The following NEXMIF variants were observed in gnomAD, a reference collection of about 807,000 sequenced individuals.
NEXMIF encodes the protein XLMR protein related to neurite extension.
Under a neutral mutation model 62.1 loss-of-function variants are expected in NEXMIF, and 8 were observed. The ratio of observed to expected loss-of-function variants is 0.13; its 90% CI spans 0.08 to 0.23. The LOEUF is 0.23. NEXMIF is among the 10% of genes least tolerant of loss of function. The pLI is 1.00. For synonymous variants in NEXMIF, 404 were observed against 416.6 expected (o/e 0.97, Z 0.37); for missense variants, 976 against 1,113.3 (o/e 0.88, Z 1.75).
In NEXMIF at chrX:74,737,019, A is replaced by T. The variant is rs933994311; in HGVS notation, c.*2386T>A. On this transcript the variant is annotated 3_prime_UTR_variant, in exon 4 of 4. Transcript: ENST00000055682. ...ACTCACACCCCATTCTCCAAAGCTGAACTGATACCGAAAAAAAACTGGGAC... is the reference window on the plus strand; with the variant it reads ...ACTCACACCCCATTCTCCAAAGCTGTACTGATACCGAAAAAAAACTGGGAC... 8.9e-6 allele frequency: 1 copy of T among 112,119 alleles called. No homozygotes were observed. Among genetic ancestry groups the T allele is most frequent in the Admixed American group, 9.5e-5 (1 of 10,562 alleles). 9.2% of individuals were successfully genotyped at this position (112,119 alleles called of 1,213,427 possible).
intron 1 of NEXMIF, among the ~76,000 whole-genome samples, chrX:74,863,867 A>G (rs899216159): frequency 8.9e-6 from 1 of 112,357 alleles, no homozygotes; most frequent in Non-Finnish European, 1.9e-5. Flanking sequence ...CCTCAGTAAA[A>G]TACTGGCAAA....
chrX:74,742,267 T>C lies in NEXMIF; in HGVS notation c.2290A>G (p.Ile764Val). 8.3e-7 allele frequency: 1 copy of C among 1,211,915 alleles called. No individual in the cohort carries two copies. Among genetic ancestry groups the C allele is most frequent in the Non-Finnish European group, 1.1e-6 (1 of 895,441 alleles). ...SSKANLKNEV[I>V]PGTSNSSRLS... ...CGGGAACTGTTTGATGTCCCAGGAA[T>C]AACTTCATTCTTTAAATTAGCCTTT... is the stretch of plus-strand genomic sequence containing the variant. The change falls in exon 3 of 4, where the codon ATT becomes GTT. Residue 764 changes from isoleucine (I) to valine (V), a missense_variant. Transcript: ENST00000055682.
rs183096713 is a variant in NEXMIF at position 74,842,536 on chromosome X, T to A, written c.-48+82347A>T. On this transcript the variant is annotated intron_variant, in intron 1 of 3. Coordinates refer to ENST00000055682, the MANE Select transcript of NEXMIF (RefSeq NM_001008537.3). ...AGCTTTGGAGTTGATTTGTTCTTAC[T>A]TCTCTAATTCTTTCAGTTGCGATGT... 3.2e-3 allele frequency among the ~76,000 whole-genome samples: 358 copies of A among 111,635 alleles called. 2 individuals are homozygous for A. Among genetic ancestry groups the A allele is most frequent in the African/African-American group, 0.011 (341 of 30,712 alleles).
chrX:74,847,913 A>G (rs1381050417), intron 1 of NEXMIF, among the ~76,000 whole-genome samples: 2 of 111,433 alleles, frequency 1.8e-5, no homozygotes, highest in African/African-American at 6.5e-5. Context: ...CTCTTTAGTC[A>G]AGTAAATGGT....
At chrX:74,900,314 A>G (rs1051001502) in intron 1 of NEXMIF, among the ~76,000 whole-genome samples, 17 of 109,385 alleles carry the variant, frequency 1.6e-4, no homozygotes, top group African/African-American at 5.3e-4. Flanking sequence ...AATACAAAAA[A>G]TTAGACGGGT....
intron 1 of NEXMIF, among the ~76,000 whole-genome samples, chrX:74,767,731 A>G (rs1218531968): frequency 9.0e-6 from 1 of 111,610 alleles, no homozygotes; most frequent in Non-Finnish European, 1.9e-5. Context: ...GGACCCATGT[A>G]AAAAAAGCAG....
At chrX:74,806,899 A>C (rs748061911) in intron 1 of NEXMIF, among the ~76,000 whole-genome samples, 8 of 112,648 alleles carry the variant, frequency 7.1e-5, no homozygotes, top group African/African-American at 2.6e-4. Context: ...ATTCTGTTCC[A>C]TTATCTATTT....
At chrX:74,840,378 G>A (rs2147488955) in intron 1 of NEXMIF, among the ~76,000 whole-genome samples, 1 of 111,634 alleles carries the variant, frequency 9.0e-6, no homozygotes, top group East Asian at 2.8e-4. Context: ...AAATCAGAGA[G>A]GACACAAATA....
intron 1 of NEXMIF, among the ~76,000 whole-genome samples, chrX:74,876,537 G>T (rs1179164398): frequency 9.5e-6 from 1 of 105,326 alleles, no homozygotes; most frequent in African/African-American, 3.5e-5. Context: ...TTCAATTCCT[G>T]GGTATCCTTG....
chrX:74,808,654 C>T (rs185508951), intron 1 of NEXMIF, among the ~76,000 whole-genome samples: 13 of 112,045 alleles, frequency 1.2e-4, no homozygotes, highest in Non-Finnish European at 1.9e-4. Context: ...ATAACTTCTT[C>T]GTTAAAAGTT....
At chrX:74,864,372 A>G (rs2080569663) in intron 1 of NEXMIF, among the ~76,000 whole-genome samples, 1 of 112,474 alleles carries the variant, frequency 8.9e-6, no homozygotes, top group Non-Finnish European at 1.9e-5. Flanking sequence ...AAGCAACTTC[A>G]GCAAAGTCTT....
At chrX:74,851,182 A>G (rs1206008553) in intron 1 of NEXMIF, among the ~76,000 whole-genome samples, 1 of 111,143 alleles carries the variant, frequency 9.0e-6, no homozygotes, top group Admixed American at 9.5e-5. Context: ...ATTTTTTTTA[A>G]AGAAATAATT....
chrX:74,741,715 C>T lies in NEXMIF; in HGVS notation c.2842G>A (p.Val948Ile). Residue 948 changes from valine (V) to isoleucine (I), a missense_variant, in exon 3 of 4, where the codon GTC (valine) becomes ATC (isoleucine). Coordinates refer to ENST00000055682, the MANE Select transcript of NEXMIF (RefSeq NM_001008537.3). The part of the protein sequence containing the change: ...LNSGGSNCNK[V>I]LYDSMQDTQL... ...GTATCTTGCATGGAGTCATACAGGACCTTGTTGCAATTACTGCCACCACTA... is the reference window on the plus strand; with the variant it reads ...GTATCTTGCATGGAGTCATACAGGATCTTGTTGCAATTACTGCCACCACTA... 8.3e-7 allele frequency: 1 copy of T among 1,211,195 alleles called. No homozygotes were observed. Among genetic ancestry groups the T allele is most frequent in the Non-Finnish European group, 1.1e-6 (1 of 895,139 alleles).
intron 1 of NEXMIF, among the ~76,000 whole-genome samples, chrX:74,761,657 T>C (rs2080176441): frequency 9.0e-6 from 1 of 111,442 alleles, no homozygotes; most frequent in African/African-American, 3.3e-5. Flanking sequence ...TCTTAATATT[T>C]TTTTTCAAAA....
chrX:74,796,207 T>TA lies in NEXMIF; in HGVS notation c.-47-50511dup, dbSNP rs1416976235. On this transcript the variant is annotated intron_variant, in intron 1 of 3. Coordinates refer to ENST00000055682, the MANE Select transcript of NEXMIF (RefSeq NM_001008537.3). ...CATATATATTATATATATACATATA[T>TA]ATTATATATATATACATATATAATA... Among the ~76,000 whole-genome samples the TA allele has an allele frequency of 2.9e-3, 160 of 55,859 alleles. 1 individual carries two copies. The highest frequency in any genetic ancestry group is 4.5e-3 in the Non-Finnish European group (135 of 29,923). 48.5% of individuals were successfully genotyped at this position (55,859 alleles called of 115,157 possible).
intron 1 of NEXMIF, among the ~76,000 whole-genome samples, chrX:74,835,589 G>T (rs1569352314): frequency 9.1e-6 from 1 of 109,896 alleles, no homozygotes; most frequent in African/African-American, 3.3e-5. Context: ...AGGAACTCTT[G>T]TTTTTTTTTG....
At chrX:74,886,499 C>A (rs1330551648) in intron 1 of NEXMIF, among the ~76,000 whole-genome samples, 3 of 111,543 alleles carry the variant, frequency 2.7e-5, no homozygotes, top group African/African-American at 9.8e-5. Context: ...TTCTTATACA[C>A]CAAAAACAGA....
At chrX:74,873,124 A>G (rs1178481374) in intron 1 of NEXMIF, among the ~76,000 whole-genome samples, 1 of 110,032 alleles carries the variant, frequency 9.1e-6, no homozygotes, top group Non-Finnish European at 1.9e-5. Context: ...ATATCTCCCA[A>G]TGCTATCCCT....
chrX:74,839,448 G>A (rs751603632), intron 1 of NEXMIF, among the ~76,000 whole-genome samples: 3 of 111,833 alleles, frequency 2.7e-5, no homozygotes, highest in African/African-American at 9.7e-5. Context: ...GGGGGTACAT[G>A]TGATGGTTTG....
Sources: gnomAD v4.1 joint callset for allele counts (sites outside exome capture counted in the v4.1 genomes callset) on GRCh38, gnomAD v4.1.1 for gene constraint, MANE v1.5 for transcripts, NCBI Gene and HGNC (gene_info 2026-07-23, HGNC 2026-07-21) for gene names.